The following SLC12A7 variants were observed in gnomAD, a reference collection of about 807,000 sequenced individuals.
SLC12A7 encodes the protein solute carrier family 12 member 7, also known as K-Cl cotransporter 4.
Under a neutral mutation model 120.6 loss-of-function variants are expected in SLC12A7, and 100 were observed. That is an observed-to-expected ratio of 0.83 (90% CI 0.71 to 0.98). The LOEUF (loss-of-function observed/expected upper bound fraction) is 0.98. SLC12A7 is among the 50% of genes least tolerant of loss of function. SLC12A7 has a pLI of 0.00. For missense variants in SLC12A7, 1,373 were observed against 1,548.1 expected (o/e 0.89, Z 1.90); for synonymous variants, 760 against 678.0 (o/e 1.12, Z -1.88).
At chr5:1,088,267 T>C in intron 5 of SLC12A7, 39 bp downstream of exon 5, 1 of 1,561,254 alleles carries the variant, frequency 6.4e-7, no homozygotes. Context: ...CAGACTCCTC[T>C]AACAGGACTC....
intron 8 of SLC12A7, among the ~76,000 whole-genome samples, chr5:1,083,294 T>A (rs1285568813): frequency 6.7e-6 from 1 of 150,204 alleles, no homozygotes; most frequent in Non-Finnish European, 1.5e-5. Context: ...TTCTGGAAAG[T>A]CCGGGCTTCC....
chr5:1,083,464 T>C (rs1279624559), intron 8 of SLC12A7, among the ~76,000 whole-genome samples: 3 of 152,204 alleles, frequency 2.0e-5, no homozygotes, highest in South Asian at 2.1e-4. Flanking sequence ...AAGTTCCCCA[T>C]ACATGCTGCC....
At chr5:1,150,043 A>G in the SLC12A7 span, among the ~76,000 whole-genome samples, 2 of 152,352 alleles carry the variant, frequency 1.3e-5, no homozygotes, top group African/African-American at 4.8e-5. Flanking sequence ...AGAAAAAAAC[A>G]ACAACAATAA....
chr5:1,123,052 T>C, the SLC12A7 span, among the ~76,000 whole-genome samples: 1 of 152,232 alleles, frequency 6.6e-6, no homozygotes, highest in African/African-American at 2.4e-5. Context: ...CAGCATCATC[T>C]GGCCAAAAAT....
intron 1 of SLC12A7, among the ~76,000 whole-genome samples, chr5:1,104,384 G>A (rs527381110): frequency 2.0e-5 from 3 of 152,334 alleles, no homozygotes; most frequent in South Asian, 2.1e-4. Context: ...CCCTGTGCAC[G>A]GGACTTAAAT....
At chr5:1,101,883 T>G (rs1197238870) in intron 1 of SLC12A7, among the ~76,000 whole-genome samples, 1 of 151,604 alleles carries the variant, frequency 6.6e-6, no homozygotes. Flanking sequence ...GTCTATCTGC[T>G]GAGCATTAAC....
rs1735742673 is a variant in SLC12A7, at chr5:1,057,487, G to C, written c.3010C>G (p.Leu1004Val). The C allele has an allele frequency of 6.2e-7, 1 of 1,612,256 alleles. No homozygotes were observed. The highest frequency in any genetic ancestry group is 1.3e-5 in the African/African-American group (1 of 74,934). ...GACACTCACGGCTTCATGCTGAAGA[G>C]GTCTTTGAAACCAGATAGGCTGGTG... ...RDTSLSGFKDLFSMKPDQSNV... is the reference protein window; with the variant it reads ...RDTSLSGFKDVFSMKPDQSNV... The change falls in exon 22 of 24, where the codon CTC (leucine) becomes GTC (valine). Residue 1004 changes from leucine to valine, a missense_variant. Coordinates refer to ENST00000264930, the MANE Select transcript of SLC12A7 (RefSeq NM_006598.3).
At chr5:1,100,625 T>C (rs978493828) in intron 1 of SLC12A7, among the ~76,000 whole-genome samples, 1 of 152,208 alleles carries the variant, frequency 6.6e-6, no homozygotes, top group East Asian at 1.9e-4. Flanking sequence ...CGCCAAGTGC[T>C]GTTGACGCGT....
chr5:1,061,358 G>A (rs1325803997), intron 20 of SLC12A7, among the ~76,000 whole-genome samples: 1 of 25,814 alleles, frequency 3.9e-5, no homozygotes, highest in African/African-American at 7.2e-5. Context: ...CGCACCCGCC[G>A]TGCGGGATCC....
chr5:1,079,985 C>T (rs1329039551), intron 9 of SLC12A7, among the ~76,000 whole-genome samples: 1 of 152,238 alleles, frequency 6.6e-6, no homozygotes. Context: ...TCCACACAAT[C>T]GGCTCCTACA....
chr5:1,139,072 G>A, the SLC12A7 span, among the ~76,000 whole-genome samples: 1 of 152,126 alleles, frequency 6.6e-6, no homozygotes, highest in African/African-American at 2.4e-5. Flanking sequence ...TGGGGTGGGG[G>A]GGGGGCTCTG....
In SLC12A7 at chr5:1,073,800, G is replaced by A. The variant is rs1737997388; in HGVS notation, c.2074C>T (p.Pro692Ser). Residue 692 changes from proline (P) to serine (S), a missense_variant and splice_region_variant, in exon 17 of 24, where the codon CCC becomes TCC. By Grantham distance (74) the Pro-to-Ser change is moderately conservative. Transcript: ENST00000264930. ...AGGTTCAGCATCACCAGCACCTGGG[G>A]CCTGCAGCCAGGGTGGGGCGGCTGT... is the stretch of plus-strand genomic sequence containing the variant. ...HGPPHTKNWR[P>S]QVLVMLNLDA... 7.1e-7 allele frequency: 1 copy of A among 1,414,466 alleles called. No individual in the cohort carries two copies. Among genetic ancestry groups the A allele is most frequent in the Non-Finnish European group, 9.3e-7 (1 of 1,076,472 alleles). 87.6% of individuals were successfully genotyped at this position (1,414,466 alleles called of 1,614,324 possible). A position where few individuals can be genotyped will look rare whatever the true frequency, so the allele number is the denominator to read the frequency against.
At chr5:1,058,183 CT>C (rs1735825973) in intron 21 of SLC12A7, among the ~76,000 whole-genome samples, 1 of 152,226 alleles carries the variant, frequency 6.6e-6, no homozygotes, top group African/African-American at 2.4e-5. Flanking sequence ...GGCCGGCCCC[CT>C]GTGCGTCACT....
At chr5:1,119,453 G>A in the SLC12A7 span, among the ~76,000 whole-genome samples, 8 of 152,196 alleles carry the variant, frequency 5.3e-5, no homozygotes, top group Non-Finnish European at 7.4e-5. Flanking sequence ...ATCCCTGCCC[G>A]GGTGACGCCG....
At chr5:1,112,719 C>T (rs1041043493), upstream of SLC12A7, among the ~76,000 whole-genome samples, 2 of 136,168 alleles carry the variant, frequency 1.5e-5, no homozygotes, top group East Asian at 2.2e-4. Context: ...CTGTCAACAC[C>T]CGCTCAGACC....
intron 7 of SLC12A7, 125 bp from the exon 8 acceptor site, chr5:1,084,081 C>A: frequency 1.3e-6 from 1 of 760,334 alleles, no homozygotes; most frequent in Non-Finnish European, 2.2e-6. Context: ...CTGCACCTCC[C>A]AAGACAGGAA....
the SLC12A7 span, among the ~76,000 whole-genome samples, chr5:1,136,494 A>G: frequency 1.6e-5 from 2 of 128,796 alleles, no homozygotes; most frequent in Non-Finnish European, 1.6e-5. Flanking sequence ...CAGGACACGC[A>G]GGCACACACG....
chr5:1,100,577 G>A (rs1219012402), intron 1 of SLC12A7, among the ~76,000 whole-genome samples: 1 of 152,240 alleles, frequency 6.6e-6, no homozygotes, highest in Non-Finnish European at 1.5e-5. Flanking sequence ...TGCGCTCGTG[G>A]GTAACAGAGG....
chr5:1,148,841 G>T, the SLC12A7 span, among the ~76,000 whole-genome samples: 3 of 152,154 alleles, frequency 2.0e-5, no homozygotes, highest in Non-Finnish European at 4.4e-5. Flanking sequence ...GTCAGCTTTG[G>T]GATCTATCTG....
Sources: gnomAD v4.1 joint callset for allele counts (sites outside exome capture counted in the v4.1 genomes callset) on GRCh38, gnomAD v4.1.1 for gene constraint, MANE v1.5 for transcripts, NCBI Gene and HGNC (gene_info 2026-07-23, HGNC 2026-07-21) for gene names.